The following KLHDC4 variants were observed in gnomAD, a reference collection of about 807,000 sequenced individuals.
KLHDC4 encodes the protein kelch domain-containing protein 4.
In KLHDC4, 90 loss-of-function variants were observed where a neutral mutation model predicts 62.4. That is an observed-to-expected ratio of 1.44 (90% CI 1.22 to 1.72). The LOEUF is 1.72. Ranked by LOEUF, KLHDC4 falls within the 40% of genes most tolerant of loss-of-function variation. The pLI is 0.00. For synonymous variants in KLHDC4, 386 were observed against 284.4 expected (o/e 1.36, Z -3.59); for missense variants, 1,025 against 699.7 (o/e 1.47, Z -5.25).
rs757906205 is a variant in KLHDC4 at position 87,730,580 on chromosome 16, G to A, written c.571C>T (p.Leu191=). 9.3e-6 allele frequency: 15 copies of A among 1,613,006 alleles called. No homozygotes were observed. Among genetic ancestry groups the A allele is most frequent in the Non-Finnish European group, 1.3e-5 (15 of 1,179,790 alleles). The part of the protein sequence containing the change: ...RMVAWKRQLI[L]FGGFHESTRD... ...GTACTTTCATGGAAGCCACCAAACA[G>A]GATCAATTGTCTCTTCCAGGCCACC... The change falls in exon 6 of 12, where the codon CTG becomes TTG. Residue 191 remains leucine (L), a synonymous_variant. Transcript: ENST00000270583.
intron 7 of KLHDC4, among the ~76,000 whole-genome samples, chr16:87,716,179 C>G (rs1043844674): frequency 6.7e-6 from 1 of 149,922 alleles, no homozygotes; most frequent in Non-Finnish European, 1.5e-5. Flanking sequence ...TGGATATTGA[C>G]GTAGACTTTG....
At chr16:87,704,233 G>C (rs905982317), downstream of KLHDC4, among the ~76,000 whole-genome samples, 2 of 151,968 alleles carry the variant, frequency 1.3e-5, no homozygotes, top group Non-Finnish European at 2.9e-5. Context: ...GGAAGGAGGC[G>C]CCTGTGGAGA....
chr16:87,714,622 G>C (rs1468359358), intron 7 of KLHDC4, 49 bp from the exon 8 acceptor site: 3 of 1,597,148 alleles, frequency 1.9e-6, no homozygotes, highest in African/African-American at 2.7e-5. Context: ...TACAGTGGTT[G>C]CTTACAGACC....
intron 2 of KLHDC4, among the ~76,000 whole-genome samples, chr16:87,761,012 GAC>G (rs1208289075): frequency 6.6e-6 from 1 of 151,992 alleles, no homozygotes; most frequent in Non-Finnish European, 1.5e-5. Flanking sequence ...CAGCCTGGAT[GAC>G]AGAGTGAGAC....
intron 5 of KLHDC4, among the ~76,000 whole-genome samples, chr16:87,740,022 G>A (rs1285947287): frequency 3.3e-5 from 5 of 152,286 alleles, no homozygotes; most frequent in Admixed American, 6.5e-5. Flanking sequence ...CCTATCGGGC[G>A]GGGTCCTAAA....
In KLHDC4 at chr16:87,730,609, C is replaced by T. The variant is rs145431417; in HGVS notation, c.542G>A (p.Arg181Gln). Reference sequence around the variant, plus strand: ...CAATTGTCTCTTCCAGGCCACCATCCGATGTCCACTCCGACCCGAAGGACC... The same window carrying T: ...CAATTGTCTCTTCCAGGCCACCATCTGATGTCCACTCCGACCCGAAGGACC... Reference protein sequence around the residue: ...TGGPSGRSGHRMVAWKRQLIL... With the variant: ...TGGPSGRSGHQMVAWKRQLIL... Residue 181 changes from arginine (R) to glutamine (Q), a missense_variant, in exon 6 of 12, where the codon CGG (arginine) becomes CAG (glutamine). Arg to Gln is a conservative substitution (Grantham distance 43). Coordinates refer to ENST00000270583, the MANE Select transcript of KLHDC4 (RefSeq NM_017566.4). The T allele has an allele frequency of 7.7e-5, 125 of 1,613,346 alleles. No individual in the cohort carries two copies. The African/African-American group carries it at 1.3e-3, about 17-fold the overall frequency.
intron 5 of KLHDC4, among the ~76,000 whole-genome samples, chr16:87,732,097 CTTTT>C (rs61370494): frequency 3.0e-5 from 4 of 132,236 alleles, no homozygotes; most frequent in Non-Finnish European, 3.2e-5. Context: ...GTGCATATTT[CTTTT>C]TTTTTTTTTT....
chr16:87,728,992 G>C (rs746004207), intron 6 of KLHDC4, among the ~76,000 whole-genome samples: 1 of 152,012 alleles, frequency 6.6e-6, no homozygotes, highest in Non-Finnish European at 1.5e-5. Flanking sequence ...GGCCAGGCTG[G>C]TCTCAAACTT....
chr16:87,714,586 GGAATTGTGTGAGAACC>G lies in KLHDC4; in HGVS notation c.760-29_760-14del. 1 of 1,614,052 alleles carries G rather than the reference GGAATTGTGTGAGAACC, an allele frequency of 6.2e-7. No individual in the cohort carries two copies. The highest frequency in any genetic ancestry group is 1.1e-5 in the South Asian group (1 of 91,084). On this transcript the variant is annotated splice_polypyrimidine_tract_variant and intron_variant, in intron 7 of 11. Coordinates refer to ENST00000270583, the MANE Select transcript of KLHDC4 (RefSeq NM_017566.4). ...CTTTCTTAACTCTCTGCAATGGAAA[GGAATTGTGTGAGAACC>G]GGGGGCAGCTACAGTGGTTGCTTAC...
At chr16:87,714,811 C>A (rs1459856467) in intron 7 of KLHDC4, among the ~76,000 whole-genome samples, 1 of 152,198 alleles carries the variant, frequency 6.6e-6, no homozygotes, top group Admixed American at 6.5e-5. Context: ...TCACACAGTA[C>A]ACTAGAGTTC....
rs192173744 is a variant in KLHDC4 at position 87,758,731 on chromosome 16, T to G, written c.192-2254A>C. Among the ~76,000 whole-genome samples, 48 of 152,346 alleles carry G rather than the reference T, an allele frequency of 3.2e-4. 1 individual carries two copies. In the East Asian group the frequency reaches 7.7e-3, roughly 24 times the overall value. ...GAAAGTTTACAAATACGTGTCACGC[T>G]GCATTCGAAGCTGTCCTGGGCCACC... On this transcript the variant is annotated intron_variant, in intron 2 of 11. Transcript: ENST00000270583.
chr16:87,709,955 G>A (rs2035457034), intron 9 of KLHDC4: 2 of 432,358 alleles, frequency 4.6e-6, no homozygotes, highest in African/African-American at 2.0e-5. Flanking sequence ...GAGGTGGACA[G>A]GCCCACCAGA....
intron 4 of KLHDC4, among the ~76,000 whole-genome samples, chr16:87,752,547 G>C (rs1290759404): frequency 6.6e-6 from 1 of 152,004 alleles, no homozygotes; most frequent in African/African-American, 2.4e-5. Context: ...ATGTTGGCCA[G>C]GATGGTCTCG....
At chr16:87,732,796 C>T (rs1486881042) in intron 5 of KLHDC4, among the ~76,000 whole-genome samples, 1 of 151,828 alleles carries the variant, frequency 6.6e-6, no homozygotes, top group African/African-American at 2.4e-5. Flanking sequence ...CAAAGCAAAT[C>T]CTATCCCAGC....
chr16:87,751,250 T>C (rs1428432412), intron 4 of KLHDC4, among the ~76,000 whole-genome samples: 1 of 151,248 alleles, frequency 6.6e-6, no homozygotes, highest in Non-Finnish European at 1.5e-5. Flanking sequence ...CCGAGGGAGG[T>C]AGATCATGAG....
chr16:87,704,246 C>T (rs1393192908), downstream of KLHDC4, among the ~76,000 whole-genome samples: 2 of 151,706 alleles, frequency 1.3e-5, no homozygotes, highest in African/African-American at 4.8e-5. Flanking sequence ...TGTGGAGAGC[C>T]CTGGGGAGGG....
rs746737818 is a variant in KLHDC4, at chr16:87,711,380, G to A, written c.899C>T (p.Ser300Phe). The change falls in exon 9 of 12, where the codon TCC becomes TTC. Residue 300 changes from serine to phenylalanine, a missense_variant. Physicochemically the swap from Ser to Phe is radical, Grantham distance 155. Coordinates refer to ENST00000270583, the MANE Select transcript of KLHDC4 (RefSeq NM_017566.4). ...GVKPTPRSGF[S>F]VAMAPNHQTL... Reference sequence around the variant, plus strand: ...CTGGTGATTCGGGGCCATGGCCACGGAAAAGCCAGACCGTGGGGTGGGCTT... The same window carrying A: ...CTGGTGATTCGGGGCCATGGCCACGAAAAAGCCAGACCGTGGGGTGGGCTT... 2 of 1,613,796 alleles carry A rather than the reference G, an allele frequency of 1.2e-6. No individual in the cohort carries two copies. Among genetic ancestry groups the A allele is most frequent in the East Asian group, 2.2e-5 (1 of 44,878 alleles).
At chr16:87,700,571 A>G (rs1012199254) in exon 1 of KLHDC4, 11 of 147,484 alleles carry the variant, frequency 7.5e-5, no homozygotes, top group African/African-American at 3.0e-4. Context: ...AAGAGGGTAG[A>G]AGGAAGAGGG....
chr16:87,741,463 T>C (rs892367807), intron 5 of KLHDC4, among the ~76,000 whole-genome samples: 3 of 152,158 alleles, frequency 2.0e-5, no homozygotes, highest in African/African-American at 7.2e-5. Flanking sequence ...GCACACACCA[T>C]AGATCCAGGT....
Sources: allele counts gnomAD v4.1 joint callset (sites outside exome capture counted in the v4.1 genomes callset), GRCh38; gene constraint gnomAD v4.1.1; transcripts MANE v1.5; gene names NCBI Gene and HGNC (gene_info 2026-07-23, HGNC 2026-07-21).